NBPF15: variants seen among roughly 807,000 people sequenced by gnomAD.
NBPF15 encodes the protein NBPF family member NBPF15.
In NBPF15, 74 loss-of-function variants were observed where a neutral mutation model predicts 62.2. The ratio of observed to expected loss-of-function variants is 1.19; its 90% CI spans 0.99 to 1.44. The LOEUF is 1.44. NBPF15 is among the 40% of genes most tolerant of loss of function. The pLI, the probability that NBPF15 is intolerant of heterozygous loss-of-function variation, is 0.00. For missense variants in NBPF15, 790 were observed against 550.0 expected, an observed-to-expected ratio of 1.44 and a Z score of -4.36; for synonymous variants, 244 against 209.7, an observed-to-expected ratio of 1.16 and a Z score of -1.41.
At chr1:144,431,920 C>G (rs2101896083) in intron 13 of NBPF15, among the ~76,000 whole-genome samples, 1 of 148,244 alleles carries the variant, frequency 6.7e-6, no homozygotes, top group South Asian at 2.2e-4. Context: ...GGTTCCAAGT[C>G]TTTGCTATTG....
At chr1:144,428,194 C>T (rs1671305606) in intron 15 of NBPF15, among the ~76,000 whole-genome samples, 1 of 151,370 alleles carries the variant, frequency 6.6e-6, no homozygotes, top group South Asian at 2.1e-4. Flanking sequence ...CACACACACA[C>T]ACACACACAC....
chr1:144,427,273 T>A (rs1670434203), intron 16 of NBPF15, among the ~76,000 whole-genome samples, 175 bp from the exon 17 acceptor site: 1 of 145,462 alleles, frequency 6.9e-6, no homozygotes, highest in South Asian at 2.3e-4. Flanking sequence ...TCCTTGGTTT[T>A]TGTCCCAGAA....
At chr1:144,438,162 G>A in intron 8 of NBPF15, 115 bp from the exon 9 acceptor site, 1 of 842,280 alleles carries the variant, frequency 1.2e-6, no homozygotes, top group Non-Finnish European at 1.9e-6. Context: ...CCAGTACCAG[G>A]GTCTAGACAG....
intron 6 of NBPF15, among the ~76,000 whole-genome samples, chr1:144,446,435 G>C (rs1687577982): frequency 6.6e-6 from 1 of 152,290 alleles, no homozygotes; most frequent in Admixed American, 6.5e-5. Context: ...TTATTGCATT[G>C]ATTTAGAGCT....
intron 4 of NBPF15, among the ~76,000 whole-genome samples, chr1:144,453,421 A>T (rs1446962803): frequency 6.6e-6 from 1 of 151,862 alleles, no homozygotes; most frequent in African/African-American, 2.4e-5. Flanking sequence ...GGGTTCAATG[A>T]TGGCTTCTTA....
chr1:144,444,839 G>T (rs1184378255), intron 6 of NBPF15, among the ~76,000 whole-genome samples: 1 of 151,886 alleles, frequency 6.6e-6, no homozygotes, highest in Non-Finnish European at 1.5e-5. Flanking sequence ...CCTCAGGTTG[G>T]TCTGGAAACA....
Position 144,455,807 on chromosome 1 carries a change from G to A in NBPF15, c.-432+730C>T, listed in dbSNP as rs587684370. 9.5e-4 allele frequency among the ~76,000 whole-genome samples: 145 copies of A among 152,002 alleles called. 1 individual carries two copies. The highest frequency in any genetic ancestry group is 3.2e-3 in the African/African-American group (132 of 41,462). ...CTGCAGTGGTGGGTTCCATGGGGTAGTGACCTGAGATTTACTCGTTATGGG... is the reference window on the plus strand; with the variant it reads ...CTGCAGTGGTGGGTTCCATGGGGTAATGACCTGAGATTTACTCGTTATGGG... On this transcript the variant is annotated intron_variant, in intron 4 of 21. Transcript: ENST00000581897.
intron 6 of NBPF15, among the ~76,000 whole-genome samples, chr1:144,440,904 C>T (rs1469806093): frequency 6.6e-6 from 1 of 151,602 alleles, no homozygotes; most frequent in African/African-American, 2.4e-5. Flanking sequence ...CTCCTGACCT[C>T]GTGATCTGCC....
chr1:144,452,314 C>G (rs1312688897), intron 4 of NBPF15, among the ~76,000 whole-genome samples: 3 of 151,812 alleles, frequency 2.0e-5, no homozygotes, highest in Admixed American at 6.6e-5. Flanking sequence ...ACAGATGAAC[C>G]AATTCAAGGA....
In NBPF15 at chr1:144,435,202, G is replaced by T. The variant is rs1238091131; in HGVS notation, c.681C>A (p.Thr227=). ...PYDSNQPHKK[T]KITFEEDKVD... ...CTTTGTCTTCCTCAAATGTGATTTT[G>T]GTTTTCTTATGTGGCTGGTTGGAGT... The change falls in exon 12 of 22, where the codon ACC becomes ACA. Residue 227 remains threonine (T), a synonymous_variant. Coordinates refer to ENST00000581897, the MANE Select transcript of NBPF15 (RefSeq NM_001385408.1). 2.7e-5 allele frequency: 44 copies of T among 1,612,958 alleles called. 1 individual carries two copies. The highest frequency in any genetic ancestry group is 3.6e-5 in the Non-Finnish European group (43 of 1,179,706).
At chr1:144,452,099 C>G (rs1444426301) in intron 4 of NBPF15, among the ~76,000 whole-genome samples, 1 of 151,466 alleles carries the variant, frequency 6.6e-6, no homozygotes, top group Non-Finnish European at 1.5e-5. Context: ...TTGCAGTGAG[C>G]TGAGATGGCG....
intron 19 of NBPF15, among the ~76,000 whole-genome samples, chr1:144,425,167 G>C (rs879963397): frequency 2.9e-4 from 40 of 139,278 alleles, no homozygotes; most frequent in East Asian, 2.5e-3. Context: ...CACTGATGAG[G>C]GAGTAACAGG....
chr1:144,436,306 G>C (rs1444530253), intron 10 of NBPF15, among the ~76,000 whole-genome samples: 1 of 151,696 alleles, frequency 6.6e-6, no homozygotes, highest in Non-Finnish European at 1.5e-5. Context: ...GTGTTATTCA[G>C]GGACATTCTA....
chr1:144,456,596 C>G lies in NBPF15; in HGVS notation c.-491G>C, dbSNP rs1361734294. The G allele has an allele frequency of 5.3e-6, 8 of 1,505,550 alleles. No individual in the cohort carries two copies. The highest frequency in any genetic ancestry group is 6.3e-6 in the Non-Finnish European group (7 of 1,119,618). The allele number at this position is 1,505,550 out of a possible 1,614,324, so 93.3% of individuals were successfully genotyped here. ...CCGTGTGAGGTTGCTCTTGGTGCAC[C>G]GAATGGGGAAGTTTCTACATCAGTA... On this transcript the variant is annotated 5_prime_UTR_variant, in exon 4 of 22. Coordinates refer to ENST00000581897, the MANE Select transcript of NBPF15 (RefSeq NM_001385408.1).
At chr1:144,458,045 C>A (rs1206711058) in intron 3 of NBPF15, among the ~76,000 whole-genome samples, 4 of 151,692 alleles carry the variant, frequency 2.6e-5, no homozygotes, top group African/African-American at 7.3e-5. Flanking sequence ...CATGATCATA[C>A]CACTCCACTC....
intron 6 of NBPF15, among the ~76,000 whole-genome samples, chr1:144,445,363 A>C (rs1686743469): frequency 7.1e-6 from 1 of 141,300 alleles, no homozygotes; most frequent in Admixed American, 7.1e-5. Context: ...ATACACACAC[A>C]CACACACACA....
chr1:144,443,640 T>C (rs1182508854), intron 6 of NBPF15, among the ~76,000 whole-genome samples: 1 of 151,928 alleles, frequency 6.6e-6, no homozygotes, highest in Non-Finnish European at 1.5e-5. Flanking sequence ...CTTCATTGCA[T>C]GTATTGTTAA....
chr1:144,435,315 C>A lies in NBPF15; in HGVS notation c.568G>T (p.Glu190Ter), dbSNP rs1174621117. The change falls in exon 12 of 22, where the codon GAG becomes TAG. Residue 190 changes from glutamate to a stop codon, truncating the protein, a stop_gained and splice_region_variant. Transcript: ENST00000581897. LOFTEE classifies it high-confidence loss of function. ...TCCTTTTCTTCAGCCTTCTGCATCT[C>A]CCTGATGAGCCAGGTGGGACAGAGA... The part of the protein sequence containing the change: ...EKVQKSSAPR[E>*]MQKAEEKEVP... 1.2e-5 allele frequency: 19 copies of A among 1,584,772 alleles called. No individual in the cohort carries two copies. The highest frequency in any genetic ancestry group is 1.6e-5 in the Non-Finnish European group (19 of 1,155,428).
chr1:144,457,893 C>G (rs1431312876), intron 3 of NBPF15, among the ~76,000 whole-genome samples: 6 of 151,882 alleles, frequency 4.0e-5, no homozygotes, highest in African/African-American at 1.5e-4. Flanking sequence ...AGTTTGAAAC[C>G]AGTCTGAGCA....
Sources: allele counts gnomAD v4.1 joint callset (sites outside exome capture counted in the v4.1 genomes callset), GRCh38; gene constraint gnomAD v4.1.1; transcripts MANE v1.5; gene names NCBI Gene and HGNC (gene_info 2026-07-23, HGNC 2026-07-21).